CHD1L: variants seen among roughly 807,000 people sequenced by gnomAD.
CHD1L encodes chromodomain helicase DNA binding protein 1 like.
CHD1L carries 118 observed loss-of-function variants against 115.9 expected under a neutral mutation model. The ratio of observed to expected loss-of-function variants is 1.02; its 90% CI spans 0.88 to 1.19. CHD1L has a LOEUF of 1.19. Ranked by LOEUF, CHD1L falls within the 50% of genes most tolerant of loss-of-function variation. CHD1L has a pLI of 0.00. For synonymous variants in CHD1L, 411 were observed against 387.1 expected, an observed-to-expected ratio of 1.06 and a Z score of -0.72; for missense variants, 1,179 against 1,065.3, an observed-to-expected ratio of 1.11 and a Z score of -1.49.
chr1:147,251,793 A>T (rs1373690065), intron 1 of CHD1L, among the ~76,000 whole-genome samples: 1 of 152,164 alleles, frequency 6.6e-6, no homozygotes. Context: ...AGCCTCCCAA[A>T]GTGCTGGGAT....
chr1:147,199,187 T>G, the CHD1L span, among the ~76,000 whole-genome samples: 1 of 151,730 alleles, frequency 6.6e-6, no homozygotes, highest in African/African-American at 2.4e-5. Flanking sequence ...TGGGGCTTGG[T>G]AGGGAACAGA....
the CHD1L span, chr1:147,216,094 C>T: frequency 1.7e-6 from 1 of 585,618 alleles, no homozygotes; most frequent in Middle Eastern, 3.9e-4. Context: ...GTCCCTTCCC[C>T]TTGAATCTCA....
At chr1:147,207,460 C>T in the CHD1L span, among the ~76,000 whole-genome samples, 4 of 152,170 alleles carry the variant, frequency 2.6e-5, no homozygotes, top group African/African-American at 9.7e-5. Flanking sequence ...CCCTGGTTCT[C>T]TGAGGACCCC....
the CHD1L span, chr1:147,215,647 G>T: frequency 1.3e-6 from 1 of 776,846 alleles, no homozygotes; most frequent in Non-Finnish European, 2.1e-6. Context: ...ATAAATACAT[G>T]TGCAAATCAA....
At chr1:147,202,598 G>A in the CHD1L span, among the ~76,000 whole-genome samples, 2 of 152,148 alleles carry the variant, frequency 1.3e-5, no homozygotes, top group African/African-American at 4.8e-5. Flanking sequence ...GATTACAGGC[G>A]TGAGCCACAG....
chr1:147,293,805 T>A, intron 21 of CHD1L, 83 bp downstream of exon 21: 5 of 1,144,904 alleles, frequency 4.4e-6, no homozygotes, highest in Non-Finnish European at 6.5e-6. Flanking sequence ...GTAAGAAATG[T>A]CAAGATCCCA....
chr1:147,250,384 G>A (rs1378839259), intron 1 of CHD1L, among the ~76,000 whole-genome samples: 3 of 152,130 alleles, frequency 2.0e-5, no homozygotes, highest in African/African-American at 7.2e-5. Flanking sequence ...CTCTGGCAGG[G>A]GAAGAGGGTC....
At chr1:147,201,380 TG>T in the CHD1L span, 1 of 1,614,154 alleles carries the variant, frequency 6.2e-7, no homozygotes, top group Non-Finnish European at 8.5e-7. Flanking sequence ...TCATCCTCCC[TG>T]GAGCCATCCT....
At chr1:147,178,670 A>G in the CHD1L span, 2 of 1,574,520 alleles carry the variant, frequency 1.3e-6, no homozygotes, top group Middle Eastern at 1.7e-4. Flanking sequence ...CGATTTGCAC[A>G]TACGAATGTT....
chr1:147,269,156 TTA>T (rs1675144848), intron 10 of CHD1L, among the ~76,000 whole-genome samples: 1 of 152,216 alleles, frequency 6.6e-6, no homozygotes, highest in African/African-American at 2.4e-5. Context: ...TAACTGGTGT[TTA>T]TGTTTACCGT....
Position 147,252,631 on chromosome 1 carries a change from C to T in CHD1L, c.136C>T (p.Leu46=), listed in dbSNP as rs373541208. The T allele has an allele frequency of 2.4e-5, 38 of 1,613,606 alleles. No individual in the cohort carries two copies. The highest frequency in any genetic ancestry group is 3.1e-5 in the Non-Finnish European group (37 of 1,179,826). The change falls in exon 2 of 23, where the codon CTA becomes TTA. Residue 46 remains leucine, a synonymous_variant. Coordinates refer to ENST00000369258, the MANE Select transcript of CHD1L (RefSeq NM_004284.6). ...LRQWGLTGIH[L]RSYQLEGVNW... ...GTATTTTTTGTTTCTAGGGATTCAC[C>T]TACGCTCTTACCAGCTGGAGGGAGT...
chr1:147,212,546 AG>A, the CHD1L span: 1 of 1,608,638 alleles, frequency 6.2e-7, no homozygotes, highest in Non-Finnish European at 8.5e-7. Flanking sequence ...CTGCAAGAGA[AG>A]GGAAAATAAT....
At chr1:147,214,941 G>T in the CHD1L span, 1 of 152,146 alleles carries the variant, frequency 6.6e-6, no homozygotes, top group East Asian at 1.9e-4. Flanking sequence ...ACTTACTTTA[G>T]AAGTTCACTA....
chr1:147,204,327 G>T, the CHD1L span: 1 of 961,592 alleles, frequency 1.0e-6, no homozygotes, highest in Non-Finnish European at 1.7e-6. Context: ...TACAAACTCT[G>T]ATGTTATCAA....
chr1:147,182,144 A>AT, the CHD1L span, among the ~76,000 whole-genome samples: 5 of 152,232 alleles, frequency 3.3e-5, no homozygotes, highest in South Asian at 6.2e-4. Context: ...CAGAACCTTG[A>AT]TTTTTTTCCT....
At chr1:147,189,305 T>C in the CHD1L span, among the ~76,000 whole-genome samples, 1 of 147,960 alleles carries the variant, frequency 6.8e-6, no homozygotes, top group South Asian at 2.1e-4. Flanking sequence ...GGAGTAAGGA[T>C]GGAAGTTAAC....
chr1:147,232,162 C>G, the CHD1L span, among the ~76,000 whole-genome samples: 1 of 152,178 alleles, frequency 6.6e-6, no homozygotes, highest in Non-Finnish European at 1.5e-5. Flanking sequence ...AGGTGGCTGA[C>G]AAGCATTGGA....
At chr1:147,186,653 G>A in the CHD1L span, 1 of 1,252,894 alleles carries the variant, frequency 8.0e-7, no homozygotes, top group Non-Finnish European at 1.0e-6. Flanking sequence ...GACTAAAAGA[G>A]TACCTGAGCT....
chr1:147,192,683 C>G, the CHD1L span, among the ~76,000 whole-genome samples: 1 of 152,064 alleles, frequency 6.6e-6, no homozygotes, highest in African/African-American at 2.4e-5. Flanking sequence ...TCAGATACAT[C>G]CCATCGATAC....
Sources: gnomAD v4.1 joint callset for allele counts (sites outside exome capture counted in the v4.1 genomes callset) on GRCh38, gnomAD v4.1.1 for gene constraint, MANE v1.5 for transcripts, NCBI Gene and HGNC (gene_info 2026-07-23, HGNC 2026-07-21) for gene names.